PARD3B: variants seen among roughly 807,000 people sequenced by gnomAD.
PARD3B encodes the protein par-3 family cell polarity regulator beta.
In PARD3B, 103 loss-of-function variants were observed where a neutral mutation model predicts 130.2. The ratio of observed to expected loss-of-function variants is 0.79; its 90% CI spans 0.67 to 0.93. The LOEUF is 0.93. PARD3B is among the 40% of genes least tolerant of loss of function. PARD3B has a pLI of 0.00. For missense variants in PARD3B, 1,609 were observed against 1,499.2 expected, an observed-to-expected ratio of 1.07 and a Z score of -1.21; for synonymous variants, 583 against 553.2, an observed-to-expected ratio of 1.05 and a Z score of -0.76.
At chr2:204,764,715 CGTGTGTGTGT>C (rs10522212) in intron 2 of PARD3B, among the ~76,000 whole-genome samples, 3 of 145,644 alleles carry the variant, frequency 2.1e-5, no homozygotes, top group Non-Finnish European at 4.5e-5. Flanking sequence ...GGCATGCATG[CGTGTGTGTGT>C]GTGTGTGTGT....
At chr2:204,822,991 G>A (rs908217749) in intron 2 of PARD3B, among the ~76,000 whole-genome samples, 2 of 152,122 alleles carry the variant, frequency 1.3e-5, no homozygotes, top group Non-Finnish European at 2.9e-5. Flanking sequence ...AATCAGGTTT[G>A]AAAGTTTGGG....
At chr2:204,956,066 G>A (rs1285589370) in intron 2 of PARD3B, among the ~76,000 whole-genome samples, 2 of 152,220 alleles carry the variant, frequency 1.3e-5, no homozygotes, top group Admixed American at 1.3e-4. Context: ...GGCCAGATTG[G>A]AAGTCAGAAG....
intron 2 of PARD3B, among the ~76,000 whole-genome samples, chr2:204,720,820 G>A (rs1226018315): frequency 6.6e-6 from 1 of 151,972 alleles, no homozygotes; most frequent in African/African-American, 2.4e-5. Flanking sequence ...TTTCTCATGC[G>A]GAAGTTTCAG....
intron 2 of PARD3B, among the ~76,000 whole-genome samples, chr2:204,727,290 C>T (rs74496435): frequency 3.7e-4 from 56 of 152,222 alleles, no homozygotes; most frequent in Non-Finnish European, 6.3e-4. Context: ...CATTAAGAGC[C>T]TAGACTTTTT....
intron 1 of PARD3B, among the ~76,000 whole-genome samples, chr2:204,620,251 C>T (rs1204154326): frequency 1.3e-5 from 2 of 152,180 alleles, no homozygotes; most frequent in East Asian, 3.9e-4. Context: ...GATCCACCAG[C>T]TTGGGCCACC....
At chr2:204,640,888 T>C (rs1257430645) in intron 1 of PARD3B, among the ~76,000 whole-genome samples, 2 of 148,994 alleles carry the variant, frequency 1.3e-5, no homozygotes, top group East Asian at 3.9e-4. Context: ...GGAGGAAATT[T>C]ATAAGTATCT....
chr2:205,409,140 G>C (rs539903580), intron 19 of PARD3B, among the ~76,000 whole-genome samples: 2 of 152,126 alleles, frequency 1.3e-5, no homozygotes, highest in African/African-American at 2.4e-5. Flanking sequence ...CTGACAGAAA[G>C]AAGCTATCAG....
chr2:204,682,915 T>A (rs1185696971), intron 1 of PARD3B, among the ~76,000 whole-genome samples: 2 of 152,200 alleles, frequency 1.3e-5, no homozygotes, highest in Non-Finnish European at 2.9e-5. Flanking sequence ...AAGGTAAAAT[T>A]TCATGTCATC....
intron 2 of PARD3B, among the ~76,000 whole-genome samples, chr2:204,855,535 C>A (rs1228511784): frequency 1.4e-5 from 2 of 139,776 alleles, no homozygotes; most frequent in Non-Finnish European, 3.0e-5. Context: ...AGCAAGACTC[C>A]CTCTAAAAGA....
At chr2:205,555,613 G>A (rs887071298) in intron 22 of PARD3B, among the ~76,000 whole-genome samples, 8 of 152,078 alleles carry the variant, frequency 5.3e-5, no homozygotes, top group Non-Finnish European at 1.0e-4. Flanking sequence ...ACAAAATCCC[G>A]CCAGCCCCAG....
intron 3 of PARD3B, among the ~76,000 whole-genome samples, chr2:205,022,813 A>G (rs1696720965): frequency 6.6e-6 from 1 of 152,186 alleles, no homozygotes; most frequent in Admixed American, 6.5e-5. Context: ...CCCTTACTCC[A>G]CAGGTCGACT....
chr2:204,793,473 T>C (rs2042265505), intron 2 of PARD3B, among the ~76,000 whole-genome samples: 1 of 152,132 alleles, frequency 6.6e-6, no homozygotes, highest in Non-Finnish European at 1.5e-5. Flanking sequence ...GAATCTGTTA[T>C]CTTTTTAATA....
intron 22 of PARD3B, among the ~76,000 whole-genome samples, chr2:205,583,961 T>A (rs1325203571): frequency 6.6e-6 from 1 of 152,202 alleles, no homozygotes; most frequent in Non-Finnish European, 1.5e-5. Flanking sequence ...TCTCCTTCAT[T>A]TTGCTGGGAA....
chr2:204,930,138 C>G (rs1687918082), intron 2 of PARD3B, among the ~76,000 whole-genome samples: 1 of 151,824 alleles, frequency 6.6e-6, no homozygotes, highest in Admixed American at 6.6e-5. Context: ...TCCATTCTCT[C>G]TGTACTTGCA....
At chr2:205,610,983 C>T (rs1187080967) in intron 22 of PARD3B, among the ~76,000 whole-genome samples, 3 of 152,124 alleles carry the variant, frequency 2.0e-5, no homozygotes, top group Non-Finnish European at 4.4e-5. Context: ...TGTAGAGCAC[C>T]TGTGATGTGC....
chr2:204,640,677 C>A (rs1438217342), intron 1 of PARD3B, among the ~76,000 whole-genome samples: 1 of 152,134 alleles, frequency 6.6e-6, no homozygotes, highest in Admixed American at 6.6e-5. Context: ...CCTTCAGTAA[C>A]CCAGATGGAG....
intron 2 of PARD3B, among the ~76,000 whole-genome samples, chr2:204,720,029 G>C (rs1393752105): frequency 1.3e-5 from 2 of 151,214 alleles, no homozygotes; most frequent in East Asian, 3.9e-4. Flanking sequence ...GTATGTGTCT[G>C]TAAAGAGGCA....
Position 205,153,076 on chromosome 2 carries a change from A to G in PARD3B, c.1435-5646A>G, listed in dbSNP as rs565776729. Among the ~76,000 whole-genome samples, 6 of 152,296 alleles carry G rather than the reference A, an allele frequency of 3.9e-5. No individual in the cohort carries two copies. In the South Asian group the frequency reaches 1.0e-3, roughly 26 times the overall value. Reference sequence around the variant, plus strand: ...CACTCCAGACCCTGTTTGCCTGGGTATCACCAGCAGAGGCTGCAGATCAGC... The same window carrying G: ...CACTCCAGACCCTGTTTGCCTGGGTGTCACCAGCAGAGGCTGCAGATCAGC... On this transcript the variant is annotated intron_variant, in intron 10 of 22. Coordinates refer to ENST00000406610, the MANE Select transcript of PARD3B (RefSeq NM_001302769.2).
At chr2:204,554,478 C>T (rs903915326) in intron 1 of PARD3B, among the ~76,000 whole-genome samples, 1 of 151,980 alleles carries the variant, frequency 6.6e-6, no homozygotes, top group Non-Finnish European at 1.5e-5. Context: ...TCACCCTTGA[C>T]CAATGTTTTT....
Sources: allele counts gnomAD v4.1 joint callset (sites outside exome capture counted in the v4.1 genomes callset), GRCh38; gene constraint gnomAD v4.1.1; transcripts MANE v1.5; gene names NCBI Gene and HGNC (gene_info 2026-07-23, HGNC 2026-07-21).